Variants in TARBP1 observed in about 807,000 individuals in gnomAD.
TARBP1 encodes tRNA (guanosine(18)-2'-O)-methyltransferase TARBP1.
In TARBP1, 144 loss-of-function variants were observed where a neutral mutation model predicts 178.6. The observed-to-expected ratio is 0.81, with a 90% confidence interval of 0.70 to 0.93. TARBP1 has a LOEUF of 0.93. Among genes scored for constraint, TARBP1 ranks in the 40% least tolerant of loss-of-function variants. TARBP1 has a pLI of 0.00. For synonymous variants in TARBP1, 787 were observed against 781.0 expected, an observed-to-expected ratio of 1.01 and a Z score of -0.13; for missense variants, 2,067 against 2,011.7, an observed-to-expected ratio of 1.03 and a Z score of -0.53.
At chr1:234,391,859 T>A in intron 29 of TARBP1, 114 bp from the exon 30 acceptor site, 1 of 1,130,954 alleles carries the variant, frequency 8.8e-7, no homozygotes, top group Non-Finnish European at 1.3e-6. Context: ...ATTCTGAATG[T>A]TACTAAAAGA....
chr1:234,432,165 G>A (rs113866084), intron 14 of TARBP1, among the ~76,000 whole-genome samples: 1 of 149,740 alleles, frequency 6.7e-6, no homozygotes, highest in Non-Finnish European at 1.5e-5. Flanking sequence ...CTTGAGGCCA[G>A]GCACGGTGGC....
intron 5 of TARBP1, among the ~76,000 whole-genome samples, chr1:234,464,305 TAGGTCTAAAACA>T (rs1668208690): frequency 6.6e-6 from 1 of 152,234 alleles, no homozygotes; most frequent in Non-Finnish European, 1.5e-5. Flanking sequence ...TTTAAATTTT[TAGGTCTAAAACA>T]AAAGAAGTAA....
intron 6 of TARBP1, among the ~76,000 whole-genome samples, chr1:234,461,903 T>C (rs1354632356): frequency 6.6e-6 from 1 of 152,336 alleles, no homozygotes; most frequent in East Asian, 1.9e-4. Context: ...GTAGAATGAC[T>C]TTCAAGAAAT....
chr1:234,391,594 C>G lies in TARBP1; in HGVS notation c.4849G>C (p.Gly1617Arg). Residue 1617 changes from glycine to arginine, a missense_variant, in exon 30 of 30, where the codon GGA (glycine) becomes CGA (arginine). Transcript: ENST00000040877. Reference protein sequence around the residue: ...EYTRQQLLSHGDTKP With the variant: ...EYTRQQLLSHRDTKP ...AAGGCACATCATGGCTTGGTATCTC[C>G]GTGCGAGAGCAGCTGCTGCCTGGTG... 1 of 1,611,920 alleles carries G rather than the reference C, an allele frequency of 6.2e-7. No homozygotes were observed.
chr1:234,464,192 C>T (rs537728140), intron 5 of TARBP1, among the ~76,000 whole-genome samples: 1 of 152,232 alleles, frequency 6.6e-6, no homozygotes, highest in African/African-American at 2.4e-5. Context: ...GTGACTTTCC[C>T]TTCCACATAT....
intron 1 of TARBP1, among the ~76,000 whole-genome samples, chr1:234,476,001 T>C (rs959775438): frequency 6.6e-6 from 1 of 151,376 alleles, no homozygotes; most frequent in African/African-American, 2.4e-5. Flanking sequence ...TTTACTTCCA[T>C]CTCTACTGTT....
In TARBP1 at chr1:234,395,027, C is replaced by T. The variant is rs559589815; in HGVS notation, c.4244-1190G>A. Among the ~76,000 whole-genome samples, 29 of 151,730 alleles carry T rather than the reference C, an allele frequency of 1.9e-4. No individual in the cohort carries two copies. In the East Asian group the frequency reaches 3.7e-3, roughly 19 times the overall value. ...TCACCTGAGGTCAGGAGTTTGAGGC[C>T]GGCCTGGCCAACATAGCGAAACCCC... is the stretch of plus-strand genomic sequence containing the variant. On this transcript the variant is annotated intron_variant, in intron 26 of 29. Coordinates refer to ENST00000040877, the MANE Select transcript of TARBP1 (RefSeq NM_005646.4).
At chr1:234,460,234 T>C (rs772990798) in intron 7 of TARBP1, 27 bp downstream of exon 7, 7 of 1,590,694 alleles carry the variant, frequency 4.4e-6, no homozygotes, top group Admixed American at 1.8e-5. Context: ...CAAATAACCA[T>C]ACAAGTACAT....
chr1:234,462,018 A>C (rs1218738898), intron 6 of TARBP1, among the ~76,000 whole-genome samples: 1 of 152,260 alleles, frequency 6.6e-6, no homozygotes, highest in Non-Finnish European at 1.5e-5. Context: ...GAAACTGGTG[A>C]CTGAAAAATG....
chr1:234,411,801 T>C (rs965493865), intron 22 of TARBP1, among the ~76,000 whole-genome samples: 2 of 152,182 alleles, frequency 1.3e-5, no homozygotes, highest in African/African-American at 4.8e-5. Flanking sequence ...CATAGTGGTT[T>C]TGGAATAATA....
chr1:234,471,993 T>C (rs955476631), intron 2 of TARBP1, among the ~76,000 whole-genome samples: 2 of 152,110 alleles, frequency 1.3e-5, no homozygotes, highest in African/African-American at 4.8e-5. Flanking sequence ...GTTCTCAAAG[T>C]GTAGTTCCCA....
At position 234,448,487 on chromosome 1, in the gene TARBP1, G is replaced by C. The variant is rs754176372; in HGVS notation, c.1954C>G (p.Gln652Glu). 1 of 1,613,010 alleles carries C rather than the reference G, an allele frequency of 6.2e-7. No individual in the cohort carries two copies. The highest frequency in any genetic ancestry group is 8.5e-7 in the Non-Finnish European group (1 of 1,179,372). Reference protein sequence around the residue: ...LAVDVEGMKTQYSGKQRTENV... With the variant: ...LAVDVEGMKTEYSGKQRTENV... ...AATTACAGAAACAATTACCTATACT[G>C]AGTCTTCATTCCTTCCACATCCACA... is the stretch of plus-strand genomic sequence containing the variant. The change falls in exon 11 of 30, where the codon CAG (glutamine) becomes GAG (glutamate). Residue 652 changes from glutamine (Q) to glutamate (E), a missense_variant. Transcript: ENST00000040877.
chr1:234,438,323 A>G (rs1259305460), intron 12 of TARBP1, among the ~76,000 whole-genome samples: 1 of 152,214 alleles, frequency 6.6e-6, no homozygotes, highest in Non-Finnish European at 1.5e-5. Flanking sequence ...CACCAATAAG[A>G]TGACTTGGGT....
chr1:234,446,671 TTAAA>T (rs1666204330), intron 12 of TARBP1, 128 bp downstream of exon 12: 1 of 355,508 alleles, frequency 2.8e-6, no homozygotes, highest in Non-Finnish European at 4.2e-6. Flanking sequence ...ATATAATTTC[TTAAA>T]TATATATAAT....
intron 14 of TARBP1, among the ~76,000 whole-genome samples, chr1:234,431,018 A>C (rs889536029): frequency 6.6e-6 from 1 of 152,228 alleles, no homozygotes; most frequent in Non-Finnish European, 1.5e-5. Flanking sequence ...GAGGGTAGCC[A>C]AGACAACCTG....
chr1:234,410,554 A>C, intron 22 of TARBP1, 23 bp from the exon 23 acceptor site: 1 of 1,387,910 alleles, frequency 7.2e-7, no homozygotes, highest in Non-Finnish European at 1.0e-6. Context: ...TCAGATAAAC[A>C]AATATTGATT....
intron 24 of TARBP1, among the ~76,000 whole-genome samples, chr1:234,402,187 A>C (rs1227998974): frequency 6.6e-6 from 1 of 152,264 alleles, no homozygotes; most frequent in Non-Finnish European, 1.5e-5. Flanking sequence ...GTAGCTGTTA[A>C]AAGAAAAGCA....
At chr1:234,412,851 C>A (rs879374664) in intron 22 of TARBP1, among the ~76,000 whole-genome samples, 1 of 152,078 alleles carries the variant, frequency 6.6e-6, no homozygotes, top group African/African-American at 2.4e-5. Flanking sequence ...GGTCAACCAA[C>A]CCTCCCTACA....
At chr1:234,425,480 A>G (rs566828892) in intron 20 of TARBP1, among the ~76,000 whole-genome samples, 193 bp downstream of exon 20, 4 of 152,264 alleles carry the variant, frequency 2.6e-5, no homozygotes, top group Non-Finnish European at 4.4e-5. Flanking sequence ...TCAGCCTCCC[A>G]AAGTGCTAGG....
Sources: gnomAD v4.1 joint callset for allele counts (sites outside exome capture counted in the v4.1 genomes callset) on GRCh38, gnomAD v4.1.1 for gene constraint, MANE v1.5 for transcripts, NCBI Gene and HGNC (gene_info 2026-07-23, HGNC 2026-07-21) for gene names.